Variants in TIA1 observed in about 807,000 individuals in gnomAD.
TIA1 encodes TIA1 cytotoxic granule associated RNA binding protein, also known as cytotoxic granule associated RNA binding protein TIA1.
In TIA1, 23 loss-of-function variants were observed where a neutral mutation model predicts 65.9. That is an observed-to-expected ratio of 0.35 (90% CI 0.25 to 0.49). TIA1 has a LOEUF of 0.49. TIA1 is among the 20% of genes least tolerant of loss of function. TIA1 has a pLI of 0.98. For synonymous variants in TIA1, 147 were observed against 149.4 expected (o/e 0.98, Z 0.12); for missense variants, 371 against 477.9 (o/e 0.78, Z 2.09).
chr2:70,237,854 A>ATGCTC (rs1168760604), intron 1 of TIA1, among the ~76,000 whole-genome samples: 1 of 150,406 alleles, frequency 6.6e-6, no homozygotes, highest in East Asian at 2.0e-4. Context: ...TGACGGAGCA[A>ATGCTC]GACTGTCTTT....
intron 1 of TIA1, among the ~76,000 whole-genome samples, chr2:70,242,795 T>A (rs1305189376): frequency 6.6e-6 from 1 of 152,096 alleles, no homozygotes; most frequent in Non-Finnish European, 1.5e-5. Flanking sequence ...GAACTGGGCA[T>A]GCAAGGGATC....
intron 7 of TIA1, among the ~76,000 whole-genome samples, chr2:70,219,682 T>C (rs1680322835): frequency 6.6e-6 from 1 of 151,536 alleles, no homozygotes; most frequent in African/African-American, 2.4e-5. Flanking sequence ...GAACAGCCTT[T>C]ACTGGTTGCA....
At chr2:70,225,917 T>A (rs1234465994) in intron 6 of TIA1, among the ~76,000 whole-genome samples, 2 of 152,118 alleles carry the variant, frequency 1.3e-5, no homozygotes, top group Non-Finnish European at 2.9e-5. Flanking sequence ...CACTGTTTAT[T>A]ACACATCTAT....
At chr2:70,215,722 G>C (rs1041434111) in intron 10 of TIA1, 1 of 455,006 alleles carries the variant, frequency 2.2e-6, no homozygotes, top group Non-Finnish European at 3.9e-6. Context: ...AAATCACAGA[G>C]GCAAATACGC....
rs1677684400 is a variant in TIA1, at chr2:70,214,471, T to C, written c.912A>G (p.Gln304=). 4 of 1,612,756 alleles carry C rather than the reference T, an allele frequency of 2.5e-6. No homozygotes were observed. The highest frequency in any genetic ancestry group is 3.4e-6 in the Non-Finnish European group (4 of 1,179,620). The change falls in exon 12 of 13, where the codon CAA becomes CAG. Residue 304 remains glutamine (Q), a synonymous_variant. Transcript: ENST00000433529. The stretch of plus-strand genomic sequence containing the variant: ...ACCACTGGCCCCACTGGCCATAAGG[T>C]TGGGGATATCCAATTTGATTCTGCT... ...VQQQNQIGYP[Q]PYGQWGQWYG...
At chr2:70,227,676 T>G (rs1021710675) in intron 6 of TIA1, 59 bp downstream of exon 6, 162 of 1,109,400 alleles carry the variant, frequency 1.5e-4, no homozygotes, top group Middle Eastern at 1.2e-3. Flanking sequence ...TATTTTCAAG[T>G]TATGTCTACA....
chr2:70,210,444 G>A lies in TIA1; in HGVS notation c.*2275C>T, dbSNP rs1342605664. 6.6e-6 allele frequency: 1 copy of A among 152,184 alleles called. No homozygotes were observed. The allele number at this position is 152,184 out of a possible 1,614,324, so 9.4% of individuals were successfully genotyped here. ...TAAGATTTAAACCAAAGATAGAGGT[G>A]TTCCTGAAATGTGAATTTGTTCAGT... On this transcript the variant is annotated 3_prime_UTR_variant, in exon 13 of 13. Transcript: ENST00000433529.
rs1178204869 is a variant in TIA1, at chr2:70,244,750, G to T, written c.26+3655C>A. ...CTCCGGAGGCTGAGGCAGGAGAATG[G>T]CGTGAACCTGGAAGGCAGAGCTTGC... On this transcript the variant is annotated intron_variant, in intron 1 of 12. Coordinates refer to ENST00000433529, the MANE Select transcript of TIA1 (RefSeq NM_022173.4). 2.0e-5 allele frequency among the ~76,000 whole-genome samples: 3 copies of T among 150,460 alleles called. No homozygotes were observed. In the East Asian group the frequency reaches 5.9e-4, roughly 30 times the overall value.
intron 6 of TIA1, chr2:70,225,256 A>G (rs1293516560): frequency 8.5e-6 from 10 of 1,173,404 alleles, no homozygotes; most frequent in African/African-American, 1.7e-5. Flanking sequence ...TAGCATTCAT[A>G]TAAAATTGAT....
rs770054620 is a variant in TIA1, at chr2:70,216,443, A to C, written c.640T>G (p.Cys214Gly). 3 of 1,613,912 alleles carry C rather than the reference A, an allele frequency of 1.9e-6. No homozygotes were observed. Among genetic ancestry groups the C allele is most frequent in the Non-Finnish European group, 2.5e-6 (3 of 1,179,962 alleles). Residue 214 changes from cysteine (C) to glycine (G), a missense_variant, in exon 9 of 13, where the codon TGT becomes GGT. Physicochemically the swap from Cys to Gly is radical, Grantham distance 159. Transcript: ENST00000433529. ...GTAACACCTCCACAGTATACAGTACAGTTGCTTGGACTAGACTGATTTACA... is the reference window on the plus strand; with the variant it reads ...GTAACACCTCCACAGTATACAGTACCGTTGCTTGGACTAGACTGATTTACA... The part of the protein sequence containing the change: ...EVVNQSSPSN[C>G]TVYCGGVTSG...
chr2:70,237,645 A>G (rs1689583527), intron 1 of TIA1, among the ~76,000 whole-genome samples: 1 of 151,942 alleles, frequency 6.6e-6, no homozygotes. Flanking sequence ...AGAGAGGATC[A>G]CTTGAGGCAG....
chr2:70,232,396 C>T (rs1686826807), intron 2 of TIA1, among the ~76,000 whole-genome samples: 4 of 149,394 alleles, frequency 2.7e-5, no homozygotes, highest in South Asian at 4.2e-4. Context: ...CAAAATTAGC[C>T]GGGCGTGGTG....
intron 1 of TIA1, among the ~76,000 whole-genome samples, chr2:70,237,519 A>G (rs1689519433): frequency 6.6e-6 from 1 of 152,188 alleles, no homozygotes; most frequent in South Asian, 2.1e-4. Flanking sequence ...TACCTTAGGA[A>G]GACAAGCTTT....
Position 70,227,788 on chromosome 2 carries a change from T to C in TIA1, c.345A>G (p.Pro115=). Residue 115 remains proline (P), a synonymous_variant, in exon 6 of 13, where the codon CCA becomes CCG. Coordinates refer to ENST00000433529, the MANE Select transcript of TIA1 (RefSeq NM_022173.4). The part of the protein sequence containing the change: ...HFHVFVGDLS[P]EITTEDIKAA... ...CTTTTATATCTTCAGTTGTAATTTC[T>C]GGGCTGAGATCACCAACAAAGACAT... The C allele has an allele frequency of 6.3e-7, 1 of 1,598,458 alleles. No homozygotes were observed. Among genetic ancestry groups the C allele is most frequent in the African/African-American group, 1.3e-5 (1 of 74,778 alleles).
intron 1 of TIA1, among the ~76,000 whole-genome samples, chr2:70,240,470 G>A (rs1361845932): frequency 6.6e-6 from 1 of 152,168 alleles, no homozygotes; most frequent in Non-Finnish European, 1.5e-5. Context: ...CAAGCCCGCA[G>A]CCCCAGCTAC....
At chr2:70,222,873 C>A (rs548089400) in intron 7 of TIA1, among the ~76,000 whole-genome samples, 4 of 152,272 alleles carry the variant, frequency 2.6e-5, no homozygotes, top group African/African-American at 9.6e-5. Flanking sequence ...GAAATTGCGC[C>A]ATTGCGCTCC....
In TIA1 at chr2:70,214,424, C is replaced by A. The variant is rs1184032037; in HGVS notation, c.959G>T (p.Gly320Val). The A allele has an allele frequency of 1.9e-6, 3 of 1,613,876 alleles. No homozygotes were observed. The highest frequency in any genetic ancestry group is 2.5e-6 in the Non-Finnish European group (3 of 1,179,984). Residue 320 changes from glycine to valine, a missense_variant, in exon 12 of 13, where the codon GGC becomes GTC. Physicochemically the swap from Gly to Val is moderately radical, Grantham distance 109. Transcript: ENST00000433529. The part of the protein sequence containing the change: ...GQWYGNAQQI[G>V]QYMPNGWQVP... ...TTGCCAACCATTAGGCATATACTGG[C>A]CAATTTGTTGTGCATTTCCATACCA...
intron 1 of TIA1, 40 bp from the exon 2 acceptor site, chr2:70,236,215 T>G (rs755016835): frequency 1.6e-4 from 200 of 1,264,242 alleles, no homozygotes; most frequent in Non-Finnish European, 2.1e-4. Flanking sequence ...TTTTTTTTTT[T>G]GAGACAGAGT....
At chr2:70,234,921 A>G (rs1226961645) in intron 2 of TIA1, among the ~76,000 whole-genome samples, 1 of 152,200 alleles carries the variant, frequency 6.6e-6, no homozygotes, top group African/African-American at 2.4e-5. Flanking sequence ...ACAGGAAAGA[A>G]GGTAACAGAT....
Sources: allele counts gnomAD v4.1 joint callset (sites outside exome capture counted in the v4.1 genomes callset), GRCh38; gene constraint gnomAD v4.1.1; transcripts MANE v1.5; gene names NCBI Gene and HGNC (gene_info 2026-07-23, HGNC 2026-07-21).